KMT5B: variants seen among roughly 807,000 people sequenced by gnomAD.
KMT5B encodes lysine methyltransferase 5B, also known as histone-lysine N-methyltransferase KMT5B.
Under a neutral mutation model 83.2 loss-of-function variants are expected in KMT5B, and 10 were observed. That is an observed-to-expected ratio of 0.12 (90% CI 0.07 to 0.20). The LOEUF (loss-of-function observed/expected upper bound fraction) is 0.20. Ranked by LOEUF, KMT5B falls within the 10% of genes least tolerant of loss-of-function variation. The pLI, the probability that KMT5B is intolerant of heterozygous loss-of-function variation, is 1.00. For synonymous variants in KMT5B, 349 were observed against 388.8 expected (o/e 0.90, Z 1.20); for missense variants, 753 against 1,067.2 (o/e 0.71, Z 4.10).
rs369781629 is a variant in KMT5B at position 68,158,810 on chromosome 11, G to A, written c.1536C>T (p.His512=). Residue 512 remains histidine (H), a synonymous_variant, in exon 11 of 11, where the codon CAC becomes CAT. Coordinates refer to ENST00000304363, the MANE Select transcript of KMT5B (RefSeq NM_017635.5). ...GATTCTGTCTGTGTTCTCTCGCCGCGTGTCTAGTCAAGCACCCGCTGGCAA... is the reference window on the plus strand; with the variant it reads ...GATTCTGTCTGTGTTCTCTCGCCGCATGTCTAGTCAAGCACCCGCTGGCAA... ...AAVASGCLTR[H]AAREHRQNPV... is the part of the protein sequence containing the mutation. The A allele has an allele frequency of 2.4e-5, 38 of 1,614,016 alleles. No homozygotes were observed. Among genetic ancestry groups the A allele is most frequent in the Middle Eastern group, 3.3e-4 (2 of 6,084 alleles).
intron 4 of KMT5B, chr11:68,179,432 G>A: frequency 7.7e-7 from 1 of 1,298,152 alleles, no homozygotes; most frequent in Non-Finnish European, 1.0e-6. Context: ...TTATTAAAGG[G>A]GCAGGAAAAA....
At chr11:68,196,119 T>C (rs1216428662) in intron 1 of KMT5B, among the ~76,000 whole-genome samples, 1 of 152,166 alleles carries the variant, frequency 6.6e-6, no homozygotes, top group African/African-American at 2.4e-5. Context: ...ACTGCACCAC[T>C]GGACTCCAGC....
chr11:68,186,834 C>T (rs11228154), intron 2 of KMT5B, among the ~76,000 whole-genome samples: 2 of 152,190 alleles, frequency 1.3e-5, no homozygotes, highest in African/African-American at 4.8e-5. Context: ...TTCATCCACT[C>T]TTTCACAGAA....
rs1483508912 is a variant in KMT5B at position 68,183,230 on chromosome 11, CAAAG to C, written c.308+2547_308+2550del. On this transcript the variant is annotated intron_variant, in intron 3 of 10. Coordinates refer to ENST00000304363, the MANE Select transcript of KMT5B (RefSeq NM_017635.5). The stretch of plus-strand genomic sequence containing the variant: ...TTTCTTAACTCAAAAAAAAAAAAAA[CAAAG>C]AAAAACACTGGGGGTGCTACAGGGT... Among the ~76,000 whole-genome samples the C allele has an allele frequency of 6.6e-4, 94 of 142,328 alleles. 1 individual carries two copies. The highest frequency in any genetic ancestry group is 6.3e-4 in the Non-Finnish European group (41 of 64,940). The allele number at this position is 142,328 out of a possible 152,430, so 93.4% of individuals were successfully genotyped here. A position where few individuals can be genotyped will look rare whatever the true frequency, so the allele number is the denominator to read the frequency against.
rs1187059178 is a variant in KMT5B at position 68,190,012 on chromosome 11, G to A, written c.65C>T (p.Ser22Phe). The A allele has an allele frequency of 1.2e-6, 2 of 1,614,092 alleles. No individual in the cohort carries two copies. Among genetic ancestry groups the A allele is most frequent in the Non-Finnish European group, 1.7e-6 (2 of 1,180,000 alleles). ...VNGRRNGGKLSNDHQQNQSKL... is the reference protein window; with the variant it reads ...VNGRRNGGKLFNDHQQNQSKL... ...TGATTGATTCTGCTGATGGTCATTA[G>A]ACAACTTGCCTCCATTTCTCCTGCC... The change falls in exon 2 of 11, where the codon TCT becomes TTT. Residue 22 changes from serine to phenylalanine, a missense_variant. Around this residue, in one of 9 missense-constraint regions of KMT5B, gnomAD observed 56 missense variants for 91.4 expected, o/e 0.61. Transcript: ENST00000304363.
At chr11:68,166,096 C>T (rs140164785) in intron 10 of KMT5B, 13 of 1,472,296 alleles carry the variant, frequency 8.8e-6, no homozygotes, top group East Asian at 7.3e-5. Flanking sequence ...CTTTCGGAAT[C>T]GCCAAGTCAA....
chr11:68,175,439 T>C (rs1856263184), intron 4 of KMT5B, among the ~76,000 whole-genome samples: 1 of 152,250 alleles, frequency 6.6e-6, no homozygotes, highest in Non-Finnish European at 1.5e-5. Context: ...CAGTAACTTC[T>C]CTTTTTTCAA....
intron 9 of KMT5B, among the ~76,000 whole-genome samples, chr11:68,168,856 C>G (rs908545730): frequency 7.9e-5 from 12 of 152,220 alleles, no homozygotes; most frequent in African/African-American, 2.7e-4. Context: ...GTCCCCTTCA[C>G]TGAACTGCCC....
intron 1 of KMT5B, among the ~76,000 whole-genome samples, chr11:68,194,569 C>CTA (rs1858489815): frequency 6.6e-6 from 1 of 152,188 alleles, no homozygotes; most frequent in Non-Finnish European, 1.5e-5. Context: ...AGACTTAGAT[C>CTA]TTTAAAAGCT....
In KMT5B at chr11:68,165,802, G is replaced by A; in HGVS notation, c.1174+1180C>T. On this transcript the variant is annotated intron_variant, in intron 10 of 10. Transcript: ENST00000304363. ...CTTGTTGTTCACTCTGGACATTAAC[G>A]AAAAAGACTGGAATAGGGCTACAGC... 9 of 1,575,822 alleles carry A rather than the reference G, an allele frequency of 5.7e-6. 1 individual carries two copies. The highest frequency in any genetic ancestry group is 3.5e-5 in the South Asian group (3 of 85,222).
At chr11:68,189,775 G>C in intron 2 of KMT5B, 142 bp downstream of exon 2, 1 of 689,760 alleles carries the variant, frequency 1.4e-6, no homozygotes, top group Non-Finnish European at 2.3e-6. Flanking sequence ...ACACAACTTT[G>C]AGAGTAAAAA....
chr11:68,172,954 G>C (rs1365402113), intron 6 of KMT5B, among the ~76,000 whole-genome samples: 1 of 152,186 alleles, frequency 6.6e-6, no homozygotes, highest in Non-Finnish European at 1.5e-5. Flanking sequence ...TTTCCTGGGA[G>C]ATAACATAGG....
chr11:68,190,954 C>A (rs925865166), intron 1 of KMT5B, among the ~76,000 whole-genome samples: 2 of 152,166 alleles, frequency 1.3e-5, no homozygotes, highest in Non-Finnish European at 2.9e-5. Context: ...GACAGAGCAA[C>A]CCTGTCTTCC....
At chr11:68,213,346 G>T (rs1165911556), upstream of KMT5B, 2 of 147,400 alleles carry the variant, frequency 1.4e-5, no homozygotes, top group African/African-American at 2.5e-5. Flanking sequence ...CGGGAAAAAT[G>T]AGTCCCCGCA....
chr11:68,200,619 A>T (rs746108245), intron 1 of KMT5B, among the ~76,000 whole-genome samples: 4 of 152,174 alleles, frequency 2.6e-5, no homozygotes, highest in Non-Finnish European at 5.9e-5. Context: ...ATGGAGTGGG[A>T]GGTGATGGGA....
At chr11:68,159,459 G>A (rs534670139) in intron 10 of KMT5B, among the ~76,000 whole-genome samples, 9 of 152,170 alleles carry the variant, frequency 5.9e-5, no homozygotes, top group South Asian at 2.1e-4. Flanking sequence ...TTAATCTGTC[G>A]TGACACTGGC....
At chr11:68,205,064 A>C (rs761184999) in intron 1 of KMT5B, among the ~76,000 whole-genome samples, 3 of 152,220 alleles carry the variant, frequency 2.0e-5, no homozygotes, top group Non-Finnish European at 4.4e-5. Context: ...ACAGGAAAAA[A>C]GATTTTAAAC....
At chr11:68,210,260 C>G (rs543510409) in intron 1 of KMT5B, among the ~76,000 whole-genome samples, 12 of 151,726 alleles carry the variant, frequency 7.9e-5, no homozygotes, top group Non-Finnish European at 1.8e-4. Flanking sequence ...GGGGGGGACA[C>G]TGATACCCTA....
In KMT5B at chr11:68,179,645, C is replaced by G; in HGVS notation, c.377+487G>C. 5 of 1,199,458 alleles carry G rather than the reference C, an allele frequency of 4.2e-6. No individual in the cohort carries two copies. In the South Asian group the frequency reaches 8.0e-5, roughly 19 times the overall value. The allele number at this position is 1,199,458 out of a possible 1,614,324, so 74.3% of individuals were successfully genotyped here. A position where few individuals can be genotyped will look rare whatever the true frequency, so the allele number is the denominator to read the frequency against. On this transcript the variant is annotated intron_variant, in intron 4 of 10. Transcript: ENST00000304363. ...GAGGGGTGGGGAACAGGAAGGGGAA[C>G]AGAAAAAAGGGAGACAGGGAAGGAG...
Sources: gnomAD v4.1 joint callset for allele counts (sites outside exome capture counted in the v4.1 genomes callset) on GRCh38, gnomAD v4.1.1 for gene constraint, gnomAD v4.1.1 regional missense constraint, MANE v1.5 for transcripts, NCBI Gene and HGNC (gene_info 2026-07-23, HGNC 2026-07-21) for gene names.